ARL6IP6: variants seen among roughly 807,000 people sequenced by gnomAD.
ARL6IP6 encodes ADP-ribosylation factor-like protein 6-interacting protein 6.
Under a neutral mutation model 21.5 loss-of-function variants are expected in ARL6IP6, and 22 were observed. The ratio of observed to expected loss-of-function variants is 1.02; its 90% confidence interval spans 0.73 to 1.46. The LOEUF (loss-of-function observed/expected upper bound fraction) is 1.46. Ranked by LOEUF, ARL6IP6 falls within the 40% of genes most tolerant of loss-of-function variation. The pLI is 0.00. For synonymous variants in ARL6IP6, 164 were observed against 125.3 expected (o/e 1.31, Z -2.06); for missense variants, 388 against 299.8 (o/e 1.29, Z -2.17).
At position 152,734,768 on chromosome 2, in the gene ARL6IP6, T is replaced by C. The variant is rs189111296; in HGVS notation, c.455-226T>C. ...GAATTTACCCTTTTTTCCCACGTAT[T>C]ATCATTTAATTAAAATATTCAATGA... is the stretch of plus-strand genomic sequence containing the variant. On this transcript the variant is annotated intron_variant, in intron 2 of 3. Transcript: ENST00000326446. Among the ~76,000 whole-genome samples the C allele has an allele frequency of 2.6e-5, 4 of 152,352 alleles. No homozygotes were observed. In the East Asian group the frequency reaches 7.7e-4, roughly 29 times the overall value.
In ARL6IP6 at chr2:152,721,151, A is replaced by G. The variant is rs531828806; in HGVS notation, c.454+565A>G. The stretch of plus-strand genomic sequence containing the variant: ...ATGTGTATGTACCACACACACTAGT[A>G]ATACATTTTAAACACAACTGCATGT... On this transcript the variant is annotated intron_variant, in intron 2 of 3. Coordinates refer to ENST00000326446, the MANE Select transcript of ARL6IP6 (RefSeq NM_152522.7). 3.3e-5 allele frequency among the ~76,000 whole-genome samples: 5 copies of G among 152,300 alleles called. 1 individual carries two copies. The South Asian group carries it at 1.0e-3, about 32-fold the overall frequency.
chr2:152,740,668 T>C (rs781111699), intron 3 of ARL6IP6, among the ~76,000 whole-genome samples: 3 of 151,980 alleles, frequency 2.0e-5, no homozygotes, highest in Non-Finnish European at 2.9e-5. Context: ...AATGCATATA[T>C]ATATTATGTA....
At chr2:152,724,711 T>G (rs997229446) in intron 2 of ARL6IP6, among the ~76,000 whole-genome samples, 38 of 152,194 alleles carry the variant, frequency 2.5e-4, no homozygotes, top group African/African-American at 8.9e-4. Context: ...TTAGCTGGCA[T>G]CAGAATCACC....
chr2:152,761,032 T>TC lies in ARL6IP6; in HGVS notation c.*1195dup, dbSNP rs1258124407. 1 of 152,108 alleles carries TC rather than the reference T, an allele frequency of 6.6e-6. No homozygotes were observed. 9.4% of individuals were successfully genotyped at this position (152,108 alleles called of 1,614,324 possible). On this transcript the variant is annotated 3_prime_UTR_variant, in exon 4 of 4. Transcript: ENST00000326446. ...AGATGGACTACTTACAAAGCTGTTT[T>TC]CCCTGGCCATAGGAAAACTTACAAT...
At chr2:152,717,864 G>C, upstream of ARL6IP6, 3 of 1,084,062 alleles carry the variant, frequency 2.8e-6, no homozygotes, top group South Asian at 7.5e-5. Context: ...GAGGGGGCGG[G>C]GGTAAGCAGC....
At chr2:152,717,994 A>C, upstream of ARL6IP6, 11 of 996,906 alleles carry the variant, frequency 1.1e-5, no homozygotes, top group Non-Finnish European at 1.2e-5. Context: ...CGTACGCACC[A>C]GGTGGAGAGC....
At chr2:152,718,494 G>T, upstream of ARL6IP6, 1 of 1,328,688 alleles carries the variant, frequency 7.5e-7, no homozygotes, top group South Asian at 1.8e-5. Flanking sequence ...GCCCACCCTT[G>T]CTCTCCGTGG....
chr2:152,729,724 T>C (rs7561709), intron 2 of ARL6IP6, among the ~76,000 whole-genome samples: 8,169 of 152,228 alleles, frequency 0.054, 544 homozygotes, highest in African/African-American at 0.16. Context: ...GTTTTATATA[T>C]AACTAGCTTT....
chr2:152,719,648 A>G (rs1699630077), intron 1 of ARL6IP6, among the ~76,000 whole-genome samples: 1 of 151,980 alleles, frequency 6.6e-6, no homozygotes, highest in African/African-American at 2.4e-5. Flanking sequence ...TGCAAGGCAT[A>G]CGGTTGTATA....
At chr2:152,736,740 C>T (rs1178515612) in intron 3 of ARL6IP6, among the ~76,000 whole-genome samples, 1 of 152,054 alleles carries the variant, frequency 6.6e-6, no homozygotes, top group East Asian at 1.9e-4. Context: ...AAAAAAATTA[C>T]AATACAACAA....
intron 3 of ARL6IP6, among the ~76,000 whole-genome samples, chr2:152,749,080 A>G (rs896230047): frequency 6.6e-6 from 1 of 152,180 alleles, no homozygotes; most frequent in South Asian, 2.1e-4. Flanking sequence ...ATTCATTTGA[A>G]TCTTATATTT....
rs115551548 is a variant in ARL6IP6, at chr2:152,745,108, C to T, written c.587+9982C>T. Among the ~76,000 whole-genome samples, 1,473 of 152,192 alleles carry T rather than the reference C, an allele frequency of 9.7e-3. 23 individuals carry two copies. Among genetic ancestry groups the T allele is most frequent in the African/African-American group, 0.033 (1,374 of 41,534 alleles). ...TAAAATACTTTGACATGTGAATTTC[C>T]TGGAACATTCAGGATTCAGTATTGG... On this transcript the variant is annotated intron_variant, in intron 3 of 3. Transcript: ENST00000326446.
intron 3 of ARL6IP6, among the ~76,000 whole-genome samples, chr2:152,745,073 C>G (rs569456661): frequency 6.6e-6 from 1 of 152,208 alleles, no homozygotes; most frequent in South Asian, 2.1e-4. Context: ...TAGTAGGGAG[C>G]AGCAGATAGT....
intron 3 of ARL6IP6, among the ~76,000 whole-genome samples, chr2:152,739,967 G>A (rs534524831): frequency 6.6e-6 from 1 of 152,228 alleles, no homozygotes; most frequent in East Asian, 1.9e-4. Context: ...GCCACATGGG[G>A]GTAACCACCC....
Position 152,733,862 on chromosome 2 carries a change from A to G in ARL6IP6, c.455-1132A>G, listed in dbSNP as rs562735057. Among the ~76,000 whole-genome samples the G allele has an allele frequency of 5.3e-5, 8 of 152,264 alleles. No homozygotes were observed. In the East Asian group the frequency reaches 5.8e-4, roughly 11 times the overall value. ...CTAGAATTACTTCATGAAGACAGCA[A>G]TCTTTTTTATTTTGCTCATCCCTAT... On this transcript the variant is annotated intron_variant, in intron 2 of 3. Coordinates refer to ENST00000326446, the MANE Select transcript of ARL6IP6 (RefSeq NM_152522.7).
intron 3 of ARL6IP6, among the ~76,000 whole-genome samples, chr2:152,750,538 G>A (rs1701279946): frequency 6.6e-6 from 1 of 151,620 alleles, no homozygotes; most frequent in Non-Finnish European, 1.5e-5. Flanking sequence ...GGAAGGAAAT[G>A]GAAGGAAATA....
intron 3 of ARL6IP6, among the ~76,000 whole-genome samples, chr2:152,745,659 A>G (rs1701010847): frequency 6.6e-6 from 1 of 152,216 alleles, no homozygotes; most frequent in Non-Finnish European, 1.5e-5. Flanking sequence ...CTAATGAAAC[A>G]GATGTCAGAT....
intron 3 of ARL6IP6, among the ~76,000 whole-genome samples, chr2:152,737,881 C>T (rs1413988909): frequency 6.6e-6 from 1 of 152,158 alleles, no homozygotes; most frequent in Non-Finnish European, 1.5e-5. Flanking sequence ...CCTTTCAAAA[C>T]CAATCATGCC....
At chr2:152,735,602 G>A (rs17400952) in intron 3 of ARL6IP6, among the ~76,000 whole-genome samples, 2 of 152,018 alleles carry the variant, frequency 1.3e-5, no homozygotes, top group African/African-American at 4.8e-5. Flanking sequence ...GATGCTTTTC[G>A]TAGTGGAACA....
Sources: gnomAD v4.1 joint callset for allele counts (sites outside exome capture counted in the v4.1 genomes callset) on GRCh38, gnomAD v4.1.1 for gene constraint, MANE v1.5 for transcripts, NCBI Gene and HGNC (gene_info 2026-07-23, HGNC 2026-07-21) for gene names.